ISLR2: variants seen among roughly 807,000 people sequenced by gnomAD.
ISLR2 encodes the protein immunoglobulin superfamily containing leucine rich repeat 2.
A neutral mutation model predicts 25.5 loss-of-function variants in ISLR2; 16 were observed. That is an observed-to-expected ratio of 0.63 (90% confidence interval 0.43 to 0.95). The LOEUF is 0.95. Ranked by LOEUF, ISLR2 falls within the 40% of genes least tolerant of loss-of-function variation. The pLI is 0.00. For missense variants in ISLR2, 883 were observed against 1,030.7 expected (o/e 0.86, Z 1.96); for synonymous variants, 508 against 486.6 (o/e 1.04, Z -0.58).
intron 2 of ISLR2, among the ~76,000 whole-genome samples, chr15:74,113,261 G>A (rs1166321817): frequency 2.6e-5 from 4 of 152,126 alleles, no homozygotes; most frequent in Admixed American, 6.5e-5. Flanking sequence ...GGTCACCGAC[G>A]GGTACAGTCC....
chr15:74,137,734 C>T (rs2072584425), downstream of ISLR2, among the ~76,000 whole-genome samples: 1 of 152,060 alleles, frequency 6.6e-6, no homozygotes, highest in African/African-American at 2.4e-5. Context: ...CTCTCCCCTC[C>T]CTTCTTCCTG....
Position 74,135,147 on chromosome 15 carries a change from A to G in ISLR2, c.*155A>G. The G allele has an allele frequency of 3.3e-6, 3 of 914,852 alleles. 1 individual carries two copies. In the South Asian group the frequency reaches 5.2e-5, roughly 16 times the overall value. 56.7% of individuals were successfully genotyped at this position (914,852 alleles called of 1,614,324 possible). A position where few individuals can be genotyped will look rare whatever the true frequency, so the allele number is the denominator to read the frequency against. ...ACCTTGACTACCAGGGACTTCTATT[A>G]GGGAGTGGGCCGATTTCACCAGTCC... On this transcript the variant is annotated 3_prime_UTR_variant, in exon 3 of 3. Coordinates refer to ENST00000453268, the MANE Select transcript of ISLR2 (RefSeq NM_020851.3).
chr15:74,132,049 T>A lies in ISLR2; in HGVS notation c.-8-698T>A, dbSNP rs2072432803. The A allele has an allele frequency of 6.6e-6, 1 of 152,382 alleles. No homozygotes were observed. The highest frequency in any genetic ancestry group is 6.5e-5 in the Admixed American group (1 of 15,284). The allele number at this position is 152,382 out of a possible 1,614,324, so 9.4% of individuals were successfully genotyped here. ...TCGTGTGAGGACTTGTGTCCTTGTG[T>A]CTGTCAATTGTCACAATGGACAGGA... On this transcript the variant is annotated intron_variant, in intron 2 of 2. Coordinates refer to ENST00000453268, the MANE Select transcript of ISLR2 (RefSeq NM_020851.3). This position sits in a 1 kb window ranked among gnomAD's most constrained non-coding sequence, Gnocchi z 4.3.
At chr15:74,130,157 C>G (rs1355078145), upstream of ISLR2, 2 of 143,622 alleles carry the variant, frequency 1.4e-5, no homozygotes, top group Admixed American at 1.4e-4. Flanking sequence ...CCCTTCCCAG[C>G]ACGCCCTGCA....
intron 2 of ISLR2, among the ~76,000 whole-genome samples, chr15:74,120,616 G>A (rs539707891): frequency 6.6e-6 from 1 of 151,952 alleles, no homozygotes; most frequent in Non-Finnish European, 1.5e-5. Flanking sequence ...CACTCATAGA[G>A]TCGGCTTGGG....
chr15:74,122,760 G>A (rs1187951790), intron 2 of ISLR2, among the ~76,000 whole-genome samples: 2 of 152,184 alleles, frequency 1.3e-5, no homozygotes, highest in Admixed American at 1.3e-4. Flanking sequence ...CCCACCAAGT[G>A]CCCTCCCTGT....
rs1172953274 is a variant in ISLR2, at chr15:74,131,256, C to T, written c.-69C>T. 3 of 153,034 alleles carry T rather than the reference C, an allele frequency of 2.0e-5. No individual in the cohort carries two copies. Among genetic ancestry groups the T allele is most frequent in the African/African-American group, 4.8e-5 (2 of 41,450 alleles). 9.5% of individuals were successfully genotyped at this position (153,034 alleles called of 1,614,324 possible). A position where few individuals can be genotyped will look rare whatever the true frequency, so the allele number is the denominator to read the frequency against. On this transcript the variant is annotated 5_prime_UTR_variant, in exon 2 of 3. The change creates a new upstream start codon in the 5' untranslated region. Transcript: ENST00000453268. Reference sequence around the variant, plus strand: ...TTGGGCTATCTTCCCTGCTCTGCCACGCCGGGTCTGGAGAAGGGGTTTCAG... The same window carrying T: ...TTGGGCTATCTTCCCTGCTCTGCCATGCCGGGTCTGGAGAAGGGGTTTCAG...
At chr15:74,106,293 C>T (rs2072119062) in intron 2 of ISLR2, among the ~76,000 whole-genome samples, 5 of 152,158 alleles carry the variant, frequency 3.3e-5, no homozygotes. Flanking sequence ...CCTAGCTCAG[C>T]TTCTACCACC....
chr15:74,117,428 C>A (rs1289961555), intron 2 of ISLR2, among the ~76,000 whole-genome samples: 1 of 152,078 alleles, frequency 6.6e-6, no homozygotes, highest in African/African-American at 2.4e-5. Flanking sequence ...CACCTGTAAT[C>A]CCTACAATTT....
At chr15:74,121,212 G>T (rs1256397838) in intron 2 of ISLR2, among the ~76,000 whole-genome samples, 1 of 152,174 alleles carries the variant, frequency 6.6e-6, no homozygotes, top group Non-Finnish European at 1.5e-5. Context: ...TTGCCTGCAC[G>T]GGGCTACCAG....
At chr15:74,119,634 G>C (rs1367715501) in intron 2 of ISLR2, among the ~76,000 whole-genome samples, 1 of 152,026 alleles carries the variant, frequency 6.6e-6, no homozygotes, top group Non-Finnish European at 1.5e-5. Context: ...AATAATAAAA[G>C]TATGTGAGGT....
chr15:74,116,285 G>C (rs916843526), intron 2 of ISLR2, among the ~76,000 whole-genome samples: 1 of 151,722 alleles, frequency 6.6e-6, no homozygotes, highest in African/African-American at 2.4e-5. Context: ...ATAAGGACAG[G>C]TGTGGTGGCT....
In ISLR2 at chr15:74,133,037, C is replaced by G. The variant is rs199841967; in HGVS notation, c.283C>G (p.Leu95Val). ...GGTGCGCACCGTGGAGCCAGGCGCA[C>G]TGGCCGTGCTGAGTCAGCTCAAGAA... ...NEVRTVEPGA[L>V]AVLSQLKNLD... The change falls in exon 3 of 3, where the codon CTG becomes GTG. Residue 95 changes from leucine (L) to valine (V), a missense_variant. By Grantham distance (32) the Leu-to-Val change is conservative. Transcript: ENST00000453268. The G allele has an allele frequency of 1.2e-6, 2 of 1,613,022 alleles. No individual in the cohort carries two copies. The highest frequency in any genetic ancestry group is 1.7e-6 in the Non-Finnish European group (2 of 1,179,952).
intron 2 of ISLR2, among the ~76,000 whole-genome samples, chr15:74,114,764 C>T (rs2072198051): frequency 6.6e-6 from 1 of 152,084 alleles, no homozygotes; most frequent in South Asian, 2.1e-4. Context: ...CATCAGAGAA[C>T]AGGTCGAGCA....
chr15:74,106,713 AT>A (rs2072123168), intron 2 of ISLR2, among the ~76,000 whole-genome samples: 1 of 151,906 alleles, frequency 6.6e-6, no homozygotes, highest in South Asian at 2.1e-4. Context: ...GCTGGCTAGA[AT>A]TCCTGCACTG....
At position 74,135,106 on chromosome 15, in the gene ISLR2, C is replaced by A; in HGVS notation, c.*114C>A. 7.8e-7 allele frequency: 1 copy of A among 1,281,056 alleles called. No homozygotes were observed. The allele number at this position is 1,281,056 out of a possible 1,614,324, so 79.4% of individuals were successfully genotyped here. A position where few individuals can be genotyped will look rare whatever the true frequency, so the allele number is the denominator to read the frequency against. On this transcript the variant is annotated 3_prime_UTR_variant, in exon 3 of 3. Coordinates refer to ENST00000453268, the MANE Select transcript of ISLR2 (RefSeq NM_020851.3). The stretch of plus-strand genomic sequence containing the variant: ...GTCCCCAACCTTCACCTACTCCTCC[C>A]CCTTACTACTCCCCAACCTTGACTA...
Position 74,133,655 on chromosome 15 carries a change from G to C in ISLR2, c.901G>C (p.Glu301Gln), listed in dbSNP as rs369950488. Reference protein sequence around the residue: ...EDDGVGAEEGEGEGDGDLLTQ... With the variant: ...EDDGVGAEEGQGEGDGDLLTQ... ...CGACGGGGTTGGGGCGGAGGAAGGA[G>C]AGGGAGAAGGAGATGGGGATTTGCT... is the stretch of plus-strand genomic sequence containing the variant. Residue 301 changes from glutamate (E) to glutamine (Q), a missense_variant, in exon 3 of 3, where the codon GAG becomes CAG. This residue lies in a region of ISLR2 where 612 missense variants were observed against 642.8 expected (regional missense o/e 0.95). Transcript: ENST00000453268. 3.7e-6 allele frequency: 6 copies of C among 1,611,514 alleles called. No individual in the cohort carries two copies. Among genetic ancestry groups the C allele is most frequent in the Non-Finnish European group, 5.1e-6 (6 of 1,179,018 alleles).
At chr15:74,102,147 G>A (rs918385567) in intron 1 of ISLR2, among the ~76,000 whole-genome samples, 2 of 127,472 alleles carry the variant, frequency 1.6e-5, no homozygotes, top group African/African-American at 6.1e-5. Flanking sequence ...GAACCCGGGA[G>A]GTGGGGGTTG....
Position 74,134,544 on chromosome 15 carries a change from G to T in ISLR2, c.1790G>T (p.Ser597Ile). The T allele has an allele frequency of 6.2e-7, 1 of 1,614,150 alleles. No homozygotes were observed. The highest frequency in any genetic ancestry group is 8.5e-7 in the Non-Finnish European group (1 of 1,180,040). ...LPSLLVIVAV[S>I]VFLLVLATVP... Reference sequence around the variant, plus strand: ...TCGCTGCTGGTCATAGTGGCAGTGAGCGTATTCCTCCTGGTGCTGGCCACA... The same window carrying T: ...TCGCTGCTGGTCATAGTGGCAGTGATCGTATTCCTCCTGGTGCTGGCCACA... The change falls in exon 3 of 3, where the codon AGC (serine) becomes ATC (isoleucine). Residue 597 changes from serine to isoleucine, a missense_variant. This residue lies in a region of ISLR2 where 612 missense variants were observed against 642.8 expected (regional missense o/e 0.95). Transcript: ENST00000453268.
Sources: gnomAD v4.1 joint callset for allele counts (sites outside exome capture counted in the v4.1 genomes callset) on GRCh38, gnomAD v4.1.1 for gene constraint, gnomAD v4.1.1 regional missense constraint, Gnocchi (gnomAD v3.1) non-coding constraint, MANE v1.5 for transcripts, NCBI Gene and HGNC (gene_info 2026-07-23, HGNC 2026-07-21) for gene names.